Variants in NALF1 observed in about 807,000 individuals in gnomAD.
NALF1 encodes the protein family with sequence similarity 155 member A.
In NALF1, 3 loss-of-function variants were observed where a neutral mutation model predicts 48.4. That is an observed-to-expected ratio of 0.06 (90% CI 0.03 to 0.16). The LOEUF (loss-of-function observed/expected upper bound fraction) is 0.16, where lower values mean the gene tolerates loss of function less well. NALF1 is among the 10% of genes least tolerant of loss of function. NALF1 has a pLI of 1.00. For missense variants in NALF1, 526 were observed against 571.5 expected, an observed-to-expected ratio of 0.92 and a Z score of 0.81; for synonymous variants, 262 against 245.7, an observed-to-expected ratio of 1.07 and a Z score of -0.62.
At chr13:107,635,719 C>T (rs1879958240) in intron 1 of NALF1, among the ~76,000 whole-genome samples, 1 of 152,252 alleles carries the variant, frequency 6.6e-6, no homozygotes, top group Admixed American at 6.5e-5. Flanking sequence ...CATAGCCATG[C>T]ATGGACGACA....
At chr13:107,230,554 TG>T (rs1880198649) in intron 1 of NALF1, among the ~76,000 whole-genome samples, 1 of 152,102 alleles carries the variant, frequency 6.6e-6, no homozygotes, top group Non-Finnish European at 1.5e-5. Context: ...AATAGAATTA[TG>T]GGGGGAAAAT....
At position 107,449,015 on chromosome 13, in the gene NALF1, G is replaced by A. The variant is rs1456549927; in HGVS notation, c.916-238260C>T. Among the ~76,000 whole-genome samples, 7 of 152,114 alleles carry A rather than the reference G, an allele frequency of 4.6e-5. 1 individual carries two copies. Among genetic ancestry groups the A allele is most frequent in the Admixed American group, 1.3e-4 (2 of 15,260 alleles). On this transcript the variant is annotated intron_variant, in intron 1 of 2. Coordinates refer to ENST00000375915, the MANE Select transcript of NALF1 (RefSeq NM_001080396.3). ...TCCCAGCACTTTGGGAGGCCGAGGC[G>A]GGCGGATCAAATGAGGTCAGGAGTT... is the stretch of plus-strand genomic sequence containing the variant.
chr13:107,502,948 A>G (rs1875568287), intron 1 of NALF1, among the ~76,000 whole-genome samples: 1 of 152,232 alleles, frequency 6.6e-6, no homozygotes, highest in Admixed American at 6.5e-5. Context: ...CCCACAGTGT[A>G]TCCAGCCCAA....
chr13:107,654,580 G>T (rs1272506733), intron 1 of NALF1, among the ~76,000 whole-genome samples: 1 of 151,942 alleles, frequency 6.6e-6, no homozygotes, highest in African/African-American at 2.4e-5. Flanking sequence ...CAAAGAGTTT[G>T]TACTAATCCT....
chr13:107,474,061 T>G (rs1470301258), intron 1 of NALF1, among the ~76,000 whole-genome samples: 1 of 152,160 alleles, frequency 6.6e-6, no homozygotes, highest in Non-Finnish European at 1.5e-5. Flanking sequence ...CCTTCTTCTC[T>G]CAAGTGTTGC....
At chr13:107,276,027 C>T (rs1881273578) in intron 1 of NALF1, among the ~76,000 whole-genome samples, 2 of 152,118 alleles carry the variant, frequency 1.3e-5, no homozygotes, top group South Asian at 2.1e-4. Flanking sequence ...TAGGGCTGAT[C>T]CCAACTCCCC....
At chr13:107,255,618 A>G (rs1880798264) in intron 1 of NALF1, among the ~76,000 whole-genome samples, 1 of 152,232 alleles carries the variant, frequency 6.6e-6, no homozygotes, top group Non-Finnish European at 1.5e-5. Flanking sequence ...TCCACAATGT[A>G]CAGTAATTAA....
At chr13:107,220,307 T>C (rs1469965448) in intron 1 of NALF1, among the ~76,000 whole-genome samples, 1 of 152,202 alleles carries the variant, frequency 6.6e-6, no homozygotes, top group East Asian at 1.9e-4. Context: ...ACCCCTTTTG[T>C]AAATTAAGAG....
At chr13:107,744,549 C>A (rs1876730818) in intron 1 of NALF1, among the ~76,000 whole-genome samples, 1 of 152,148 alleles carries the variant, frequency 6.6e-6, no homozygotes, top group Non-Finnish European at 1.5e-5. Context: ...ATAGGTGCAG[C>A]CCTATAGTGG....
intron 1 of NALF1, among the ~76,000 whole-genome samples, chr13:107,283,268 C>G (rs1470503579): frequency 6.6e-6 from 1 of 152,108 alleles, no homozygotes; most frequent in Non-Finnish European, 1.5e-5. Context: ...TAAACAAGAT[C>G]ACCTTACATG....
At chr13:107,756,624 C>A (rs1350327272) in intron 1 of NALF1, among the ~76,000 whole-genome samples, 4 of 151,986 alleles carry the variant, frequency 2.6e-5, no homozygotes, top group Non-Finnish European at 4.4e-5. Context: ...ATGCTAAATA[C>A]CTCCATGGAT....
intron 1 of NALF1, among the ~76,000 whole-genome samples, chr13:107,623,409 A>G (rs1436178879): frequency 6.6e-6 from 1 of 152,008 alleles, no homozygotes. Flanking sequence ...AGAAAAAACA[A>G]ATCATTTCCA....
intron 1 of NALF1, among the ~76,000 whole-genome samples, chr13:107,244,509 G>A (rs371914205): frequency 2.5e-4 from 38 of 152,348 alleles, no homozygotes; most frequent in African/African-American, 8.4e-4. Flanking sequence ...TGCAAGGGTA[G>A]ATGTGTCTAT....
intron 1 of NALF1, among the ~76,000 whole-genome samples, chr13:107,673,618 C>T (rs764794488): frequency 2.0e-5 from 3 of 152,156 alleles, no homozygotes; most frequent in Non-Finnish European, 4.4e-5. Context: ...CTATGTTCTA[C>T]AGCACTGTAG....
chr13:107,258,946 C>T (rs550015214), intron 1 of NALF1, among the ~76,000 whole-genome samples: 12 of 152,220 alleles, frequency 7.9e-5, no homozygotes, highest in Admixed American at 2.6e-4. Flanking sequence ...CTATGACAGG[C>T]GTGAGCCACT....
At chr13:107,297,988 G>A (rs1335591281) in intron 1 of NALF1, among the ~76,000 whole-genome samples, 2 of 152,136 alleles carry the variant, frequency 1.3e-5, no homozygotes, top group Non-Finnish European at 2.9e-5. Context: ...CCCATCTGCT[G>A]TCCACCCAAA....
At chr13:107,855,582 C>T (rs1880423444) in intron 1 of NALF1, among the ~76,000 whole-genome samples, 2 of 152,156 alleles carry the variant, frequency 1.3e-5, no homozygotes, top group Non-Finnish European at 2.9e-5. Flanking sequence ...TTCTCCTCCA[C>T]CTCCTTCCCT....
intron 1 of NALF1, among the ~76,000 whole-genome samples, chr13:107,505,838 T>G (rs997404275): frequency 6.6e-6 from 1 of 152,200 alleles, no homozygotes; most frequent in Non-Finnish European, 1.5e-5. Context: ...ATTATTTTAG[T>G]CTTATTATCT....
rs760141875 is a variant in NALF1, at chr13:107,449,639, G to T, written c.916-238884C>A. ...TGTGAAGATCTTGGGGAACCTGGAG[G>T]TTAAGACATCAATCTGGCCTTGGAG... On this transcript the variant is annotated intron_variant, in intron 1 of 2. Transcript: ENST00000375915. Among the ~76,000 whole-genome samples, 8 of 150,690 alleles carry T rather than the reference G, an allele frequency of 5.3e-5. No homozygotes were observed. The East Asian group carries it at 9.9e-4, about 19-fold the overall frequency.
Sources: gnomAD v4.1 joint callset for allele counts (sites outside exome capture counted in the v4.1 genomes callset) on GRCh38, gnomAD v4.1.1 for gene constraint, MANE v1.5 for transcripts, NCBI Gene and HGNC (gene_info 2026-07-23, HGNC 2026-07-21) for gene names.